The following ANK3 variants were observed in gnomAD, a reference collection of about 807,000 sequenced individuals.
ANK3 encodes ankyrin-3.
A neutral mutation model predicts 370.9 loss-of-function variants in ANK3; 57 were observed. That is an observed-to-expected ratio of 0.15 (90% CI 0.12 to 0.19). ANK3 has a LOEUF of 0.19. Ranked by LOEUF, ANK3 falls within the 10% of genes least tolerant of loss-of-function variation. The pLI is 1.00. For synonymous variants in ANK3, 1,929 were observed against 1,946.3 expected (o/e 0.99, Z 0.23); for missense variants, 4,439 against 5,302.1 (o/e 0.84, Z 5.06).
chr10:60,470,608 G>A (rs974686496), intron 2 of ANK3, among the ~76,000 whole-genome samples: 3 of 152,018 alleles, frequency 2.0e-5, no homozygotes, highest in Non-Finnish European at 2.9e-5. Flanking sequence ...AATCACCCCC[G>A]TGGCTGGTCA....
intron 1 of ANK3, among the ~76,000 whole-genome samples, chr10:60,637,674 G>A (rs888683909): frequency 5.3e-5 from 8 of 152,078 alleles, no homozygotes; most frequent in Non-Finnish European, 1.0e-4. Flanking sequence ...AATAAATCAT[G>A]GAGCCTCTTC....
intron 1 of ANK3, among the ~76,000 whole-genome samples, chr10:60,686,660 G>A (rs917823416): frequency 7.2e-5 from 11 of 151,824 alleles, no homozygotes; most frequent in African/African-American, 2.7e-4. Flanking sequence ...TTTTATTTTG[G>A]TGTAATCTTA....
intron 23 of ANK3, chr10:60,139,337 C>T (rs1479789450): frequency 4.3e-5 from 19 of 440,038 alleles, no homozygotes; most frequent in Non-Finnish European, 4.4e-5. Flanking sequence ...GAAAACATTA[C>T]CCGTATCCCT....
chr10:60,700,322 GT>G (rs1423454104), intron 1 of ANK3, among the ~76,000 whole-genome samples: 1 of 152,056 alleles, frequency 6.6e-6, no homozygotes, highest in Non-Finnish European at 1.5e-5. Flanking sequence ...AAGAATTAAA[GT>G]GTTCACATAA....
At chr10:60,374,849 G>A (rs113655693) in intron 1 of ANK3, among the ~76,000 whole-genome samples, 2,574 of 152,146 alleles carry the variant, frequency 0.017, 69 homozygotes, top group African/African-American at 0.059. Context: ...TAGATCCTTT[G>A]AAAATTTAAA....
chr10:60,175,616 C>T (rs762694877), intron 18 of ANK3, among the ~76,000 whole-genome samples: 2 of 152,150 alleles, frequency 1.3e-5, no homozygotes, highest in African/African-American at 2.4e-5. Flanking sequence ...AAAATGCATC[C>T]GAGTCTTTAA....
intron 1 of ANK3, among the ~76,000 whole-genome samples, chr10:60,381,819 A>G (rs1400360268): frequency 1.3e-5 from 2 of 152,174 alleles, no homozygotes; most frequent in African/African-American, 2.4e-5. Flanking sequence ...TGAGGCCCAA[A>G]GAAATTTAGT....
chr10:60,497,869 T>G (rs138540838), intron 2 of ANK3, among the ~76,000 whole-genome samples: 3 of 152,278 alleles, frequency 2.0e-5, no homozygotes, highest in African/African-American at 7.2e-5. Flanking sequence ...AAAATATGGT[T>G]GCTATAAATC....
chr10:60,233,612 T>C (rs1259485561), intron 8 of ANK3, among the ~76,000 whole-genome samples: 1 of 152,116 alleles, frequency 6.6e-6, no homozygotes, highest in Non-Finnish European at 1.5e-5. Context: ...TGTTCTCTTT[T>C]ATTGGTAGAG....
At chr10:60,471,751 T>A (rs2065225143) in intron 2 of ANK3, among the ~76,000 whole-genome samples, 1 of 152,052 alleles carries the variant, frequency 6.6e-6, no homozygotes, top group African/African-American at 2.4e-5. Flanking sequence ...ATCAAAATAC[T>A]TTTTACCCAA....
chr10:60,188,741 G>T (rs1299697816), intron 16 of ANK3, among the ~76,000 whole-genome samples: 1 of 152,192 alleles, frequency 6.6e-6, no homozygotes, highest in African/African-American at 2.4e-5. Context: ...CAAACTGGAT[G>T]AGCCAGGGTA....
chr10:60,041,829 T>C (rs1264402850), intron 43 of ANK3, among the ~76,000 whole-genome samples: 1 of 152,226 alleles, frequency 6.6e-6, no homozygotes, highest in Non-Finnish European at 1.5e-5. Flanking sequence ...TCCCAGTTCC[T>C]TCCCTCAGCA....
At chr10:60,515,062 A>G (rs2076184517) in intron 2 of ANK3, among the ~76,000 whole-genome samples, 1 of 152,160 alleles carries the variant, frequency 6.6e-6, no homozygotes, top group Non-Finnish European at 1.5e-5. Context: ...CTTAAAGCTA[A>G]ATAGGCTTAA....
intron 1 of ANK3, among the ~76,000 whole-genome samples, chr10:60,303,825 C>T (rs990740767): frequency 2.0e-5 from 3 of 151,916 alleles, no homozygotes; most frequent in African/African-American, 7.3e-5. Context: ...AGCCAAGACA[C>T]AGAAAAGAAC....
At chr10:60,429,787 A>C (rs1411558477) in intron 2 of ANK3, among the ~76,000 whole-genome samples, 1 of 152,192 alleles carries the variant, frequency 6.6e-6, no homozygotes, top group Non-Finnish European at 1.5e-5. Flanking sequence ...ATCGATGCAA[A>C]ATTTCTTTAA....
chr10:60,041,133 T>C (rs547588819), intron 43 of ANK3, among the ~76,000 whole-genome samples: 3 of 152,344 alleles, frequency 2.0e-5, no homozygotes, highest in African/African-American at 4.8e-5. Flanking sequence ...GCTTCTGCAA[T>C]AGTCTCTCAA....
chr10:60,359,139 TG>T (rs1166004261), intron 1 of ANK3, among the ~76,000 whole-genome samples: 1 of 152,128 alleles, frequency 6.6e-6, no homozygotes, highest in Admixed American at 6.5e-5. Context: ...AAACAGTGTC[TG>T]ACACTAGGGA....
chr10:60,679,653 A>G (rs75121896), intron 1 of ANK3, among the ~76,000 whole-genome samples: 1,751 of 152,210 alleles, frequency 0.012, 33 homozygotes, highest in African/African-American at 0.04. Context: ...CGGATAGCCT[A>G]CCCCAAGAAA....
intron 1 of ANK3, among the ~76,000 whole-genome samples, chr10:60,349,934 T>C (rs7069890): frequency 0.021 from 3,233 of 152,272 alleles, 112 homozygotes; most frequent in African/African-American, 0.072. Flanking sequence ...GTCTAGTTAA[T>C]AAGCATTTTC....
Sources: allele counts gnomAD v4.1 joint callset (sites outside exome capture counted in the v4.1 genomes callset), GRCh38; gene constraint gnomAD v4.1.1; transcripts MANE v1.5; gene names NCBI Gene and HGNC (gene_info 2026-07-23, HGNC 2026-07-21).